The following CDH13 variants were observed in gnomAD, a reference collection of about 807,000 sequenced individuals.
The protein encoded by CDH13 is cadherin-13.
Under a neutral mutation model 63.8 loss-of-function variants are expected in CDH13, and 24 were observed. The ratio of observed to expected loss-of-function variants is 0.38; its 90% confidence interval spans 0.27 to 0.53. The LOEUF is 0.53. Among genes scored for constraint, CDH13 ranks in the 20% least tolerant of loss-of-function variants. The probability of loss-of-function intolerance (pLI) is 0.85; values close to 1 mark genes in which losing one functional copy is unlikely to be tolerated. For missense variants in CDH13, 1,049 were observed against 903.1 expected (o/e 1.16, Z -2.07); for synonymous variants, 503 against 355.3 (o/e 1.42, Z -4.67).
chr16:83,014,487 A>T lies in CDH13; in HGVS notation c.158-17523A>T, dbSNP rs562745905. 2.0e-5 allele frequency among the ~76,000 whole-genome samples: 3 copies of T among 151,724 alleles called. No individual in the cohort carries two copies. In the East Asian group the frequency reaches 5.8e-4, roughly 29 times the overall value. On this transcript the variant is annotated intron_variant, in intron 2 of 13. Coordinates refer to ENST00000567109, the MANE Select transcript of CDH13 (RefSeq NM_001257.5). ...GGTGGCTTATGCCTGTAATCTCAGC[A>T]CTTTGGGAGGCCAAGACGGATAGAT...
intron 6 of CDH13, among the ~76,000 whole-genome samples, chr16:83,415,600 AAC>A (rs2092188687): frequency 6.6e-6 from 1 of 152,224 alleles, no homozygotes; most frequent in African/African-American, 2.4e-5. Flanking sequence ...GGAATTGTTC[AAC>A]ACACAGAAAT....
chr16:83,066,845 G>C (rs1185285469), intron 3 of CDH13, among the ~76,000 whole-genome samples: 3 of 152,200 alleles, frequency 2.0e-5, no homozygotes, highest in African/African-American at 7.2e-5. Flanking sequence ...TTCATAATCA[G>C]AAGGCTGCTT....
At chr16:82,719,315 C>G (rs1021011137) in intron 1 of CDH13, 3 of 454,294 alleles carry the variant, frequency 6.6e-6, no homozygotes, top group African/African-American at 2.0e-5. Context: ...TGCACTGTTA[C>G]TAAAGACTTA....
At chr16:83,424,542 T>C (rs2071827517) in intron 6 of CDH13, among the ~76,000 whole-genome samples, 1 of 152,186 alleles carries the variant, frequency 6.6e-6, no homozygotes, top group Non-Finnish European at 1.5e-5. Flanking sequence ...TAATTCTGGA[T>C]GGAATATTAG....
intron 6 of CDH13, among the ~76,000 whole-genome samples, chr16:83,443,623 C>A (rs909157836): frequency 6.7e-6 from 1 of 149,486 alleles, no homozygotes; most frequent in Non-Finnish European, 1.5e-5. Context: ...GTAATCCCAG[C>A]ACTTAGGCAG....
At chr16:83,243,525 A>G (rs1263819530) in intron 5 of CDH13, among the ~76,000 whole-genome samples, 1 of 152,182 alleles carries the variant, frequency 6.6e-6, no homozygotes, top group Non-Finnish European at 1.5e-5. Flanking sequence ...ACATTTCAAG[A>G]TGAGATTTGG....
intron 2 of CDH13, among the ~76,000 whole-genome samples, chr16:82,965,719 C>G (rs900545888): frequency 2.0e-5 from 3 of 152,192 alleles, no homozygotes; most frequent in Non-Finnish European, 2.9e-5. Flanking sequence ...TCTCAAACTA[C>G]TGACCTCAAG....
intron 5 of CDH13, among the ~76,000 whole-genome samples, chr16:83,299,722 T>A (rs1474062738): frequency 6.6e-6 from 1 of 152,234 alleles, no homozygotes; most frequent in East Asian, 1.9e-4. Context: ...AAAATGCCAG[T>A]TGTTATTACT....
intron 8 of CDH13, among the ~76,000 whole-genome samples, chr16:83,659,446 G>A (rs55873824): frequency 1.3e-5 from 2 of 152,260 alleles, no homozygotes; most frequent in African/African-American, 2.4e-5. Context: ...AAGTTAGAAT[G>A]TGCCATCAGG....
chr16:83,138,327 GC>G (rs1215275615), intron 4 of CDH13, among the ~76,000 whole-genome samples: 1 of 152,042 alleles, frequency 6.6e-6, no homozygotes, highest in Non-Finnish European at 1.5e-5. Flanking sequence ...AGGAGAGGGG[GC>G]AGACCTGTAA....
intron 7 of CDH13, among the ~76,000 whole-genome samples, chr16:83,589,283 C>CCT (rs1555579644): frequency 1.6e-5 from 2 of 125,146 alleles, no homozygotes; most frequent in Admixed American, 1.6e-4. Context: ...CCCTTTCCCC[C>CCT]CCCCGGACCC....
At chr16:83,430,885 T>C (rs2072079214) in intron 6 of CDH13, among the ~76,000 whole-genome samples, 1 of 152,038 alleles carries the variant, frequency 6.6e-6, no homozygotes, top group Non-Finnish European at 1.5e-5. Flanking sequence ...GTTACATATG[T>C]ATGCATGTGC....
intron 1 of CDH13, among the ~76,000 whole-genome samples, chr16:82,841,125 A>T (rs9319575): frequency 0.24 from 36,032 of 152,146 alleles, 4,780 homozygotes; most frequent in Non-Finnish European, 0.3. Flanking sequence ...CAGGAGGTCA[A>T]CCTTACCATC....
intron 3 of CDH13, among the ~76,000 whole-genome samples, chr16:83,122,181 A>C (rs1315709239): frequency 1.3e-5 from 2 of 152,340 alleles, no homozygotes; most frequent in South Asian, 4.1e-4. Context: ...ATTATCTTTC[A>C]GTCCTCTGAT....
At chr16:82,737,639 G>T (rs1004686099) in intron 1 of CDH13, among the ~76,000 whole-genome samples, 2 of 152,198 alleles carry the variant, frequency 1.3e-5, no homozygotes, top group African/African-American at 4.8e-5. Context: ...ATTCTGCTCT[G>T]TTTGATTTTT....
chr16:83,130,365 G>T (rs550254246), intron 4 of CDH13, among the ~76,000 whole-genome samples: 1 of 152,290 alleles, frequency 6.6e-6, no homozygotes, highest in African/African-American at 2.4e-5. Flanking sequence ...CAAAGTCTGT[G>T]CTCTTAACCA....
chr16:82,826,614 T>C (rs1007217332), intron 1 of CDH13: 1 of 152,214 alleles, frequency 6.6e-6, no homozygotes, highest in Non-Finnish European at 1.5e-5. Context: ...CACTTCCAGA[T>C]TGAAGCACTT....
At chr16:83,673,373 C>T (rs939419640) in intron 9 of CDH13, among the ~76,000 whole-genome samples, 2 of 152,170 alleles carry the variant, frequency 1.3e-5, no homozygotes, top group African/African-American at 4.8e-5. Context: ...CATCCCCGCT[C>T]AGGAGTACTA....
At chr16:83,508,889 G>A (rs1598184730) in intron 7 of CDH13, among the ~76,000 whole-genome samples, 1 of 152,108 alleles carries the variant, frequency 6.6e-6, no homozygotes, top group South Asian at 2.1e-4. Context: ...GAGCTGAGGT[G>A]TAATGACCCA....
Sources: gnomAD v4.1 joint callset for allele counts (sites outside exome capture counted in the v4.1 genomes callset) on GRCh38, gnomAD v4.1.1 for gene constraint, MANE v1.5 for transcripts, NCBI Gene and HGNC (gene_info 2026-07-23, HGNC 2026-07-21) for gene names.